The following PLXDC2 variants were observed in gnomAD, a reference collection of about 807,000 sequenced individuals.
PLXDC2 encodes plexin domain-containing protein 2.
In PLXDC2, 40 loss-of-function variants were observed where a neutral mutation model predicts 68.9. The ratio of observed to expected loss-of-function variants is 0.58; its 90% confidence interval spans 0.45 to 0.76. PLXDC2 has a LOEUF of 0.76. Among genes scored for constraint, PLXDC2 ranks in the 30% least tolerant of loss-of-function variants. PLXDC2 has a pLI of 0.00. For missense variants in PLXDC2, 644 were observed against 661.9 expected, an observed-to-expected ratio of 0.97 and a Z score of 0.30; for synonymous variants, 243 against 234.2, an observed-to-expected ratio of 1.04 and a Z score of -0.34.
In PLXDC2 at chr10:19,873,406, CTTTTT is replaced by C. The variant is rs1049862345; in HGVS notation, c.112+56233_112+56237del. On this transcript the variant is annotated intron_variant, in intron 1 of 13. Coordinates refer to ENST00000377252, the MANE Select transcript of PLXDC2 (RefSeq NM_032812.9). Reference sequence around the variant, plus strand: ...TGTTGGGATTAACATTCTTCTTCGTCTTTTTTTTTTTTTTTTTTTTTTGAACTGAG... The same window carrying C: ...TGTTGGGATTAACATTCTTCTTCGTCTTTTTTTTTTTTTTTTTGAACTGAG... Among the ~76,000 whole-genome samples, 206 of 115,670 alleles carry C rather than the reference CTTTTT, an allele frequency of 1.8e-3. 1 individual carries two copies. Among genetic ancestry groups the C allele is most frequent in the African/African-American group, 6.1e-3 (192 of 31,274 alleles). 75.9% of individuals were successfully genotyped at this position (115,670 alleles called of 152,430 possible).
intron 1 of PLXDC2, among the ~76,000 whole-genome samples, chr10:19,951,688 CACTTGT>C (rs1163909439): frequency 1.3e-5 from 2 of 152,300 alleles, no homozygotes; most frequent in African/African-American, 2.4e-5. Flanking sequence ...ACCAAAGAGA[CACTTGT>C]ACTTGTATGT....
intron 1 of PLXDC2, among the ~76,000 whole-genome samples, chr10:19,909,391 A>G (rs1379391883): frequency 1.3e-5 from 2 of 152,202 alleles, no homozygotes; most frequent in Non-Finnish European, 2.9e-5. Flanking sequence ...TCAGCATTGC[A>G]TTATCCAAAT....
chr10:19,821,112 CAA>C (rs2131994061), intron 1 of PLXDC2, among the ~76,000 whole-genome samples: 1 of 152,276 alleles, frequency 6.6e-6, no homozygotes, highest in African/African-American at 2.4e-5. Context: ...AGTAAACAAA[CAA>C]ATAAATAAAT....
In PLXDC2 at chr10:20,283,043, C is replaced by T. The variant is rs1376939216; in HGVS notation, c.*3224C>T. On this transcript the variant is annotated 3_prime_UTR_variant, in exon 14 of 14. Coordinates refer to ENST00000377252, the MANE Select transcript of PLXDC2 (RefSeq NM_032812.9). ...GGCTTGTGGCTACCATATTGGATAACAAGAAACACTTCCGTGGTTGAAGAA... is the reference window on the plus strand; with the variant it reads ...GGCTTGTGGCTACCATATTGGATAATAAGAAACACTTCCGTGGTTGAAGAA... 6.6e-6 allele frequency: 1 copy of T among 152,138 alleles called. No individual in the cohort carries two copies. Among genetic ancestry groups the T allele is most frequent in the African/African-American group, 2.4e-5 (1 of 41,420 alleles). 9.4% of individuals were successfully genotyped at this position (152,138 alleles called of 1,614,324 possible). A position where few individuals can be genotyped will look rare whatever the true frequency, so the allele number is the denominator to read the frequency against.
At chr10:20,015,408 A>C (rs1307576592) in intron 2 of PLXDC2, among the ~76,000 whole-genome samples, 3 of 152,142 alleles carry the variant, frequency 2.0e-5, no homozygotes, top group Non-Finnish European at 4.4e-5. Context: ...ATGTATGTGC[A>C]TACTCAACAT....
chr10:19,845,184 C>G (rs1348058604), intron 1 of PLXDC2, among the ~76,000 whole-genome samples: 2 of 152,122 alleles, frequency 1.3e-5, no homozygotes, highest in Non-Finnish European at 2.9e-5. Context: ...GCCCTTGCAC[C>G]AAGTCTGAAA....
intron 5 of PLXDC2, among the ~76,000 whole-genome samples, chr10:20,145,298 A>G (rs1834062212): frequency 6.6e-6 from 1 of 152,216 alleles, no homozygotes; most frequent in African/African-American, 2.4e-5. Flanking sequence ...GTTTTATTAA[A>G]TGAATGAAAC....
At chr10:19,997,755 A>T (rs1379740297) in intron 1 of PLXDC2, among the ~76,000 whole-genome samples, 1 of 152,196 alleles carries the variant, frequency 6.6e-6, no homozygotes, top group Non-Finnish European at 1.5e-5. Context: ...ATATATGAGG[A>T]TACACATGAA....
At chr10:20,188,094 A>G (rs541800565) in intron 9 of PLXDC2, among the ~76,000 whole-genome samples, 72 of 151,832 alleles carry the variant, frequency 4.7e-4, no homozygotes, top group African/African-American at 1.7e-3. Context: ...CCCAACTCAT[A>G]TAAGTGTAAA....
At chr10:19,880,951 AT>A (rs1007940585) in intron 1 of PLXDC2, among the ~76,000 whole-genome samples, 25 of 152,288 alleles carry the variant, frequency 1.6e-4, no homozygotes, top group African/African-American at 5.5e-4. Context: ...ATCTTTTGAG[AT>A]CCAGAATGTT....
chr10:20,114,101 G>T (rs764137491), intron 4 of PLXDC2, among the ~76,000 whole-genome samples: 5 of 152,216 alleles, frequency 3.3e-5, no homozygotes, highest in Non-Finnish European at 5.9e-5. Flanking sequence ...TACAGCCTGA[G>T]TGACAGAGTG....
At chr10:20,102,903 C>T (rs1833441407) in intron 4 of PLXDC2, among the ~76,000 whole-genome samples, 1 of 152,110 alleles carries the variant, frequency 6.6e-6, no homozygotes, top group African/African-American at 2.4e-5. Flanking sequence ...AGAAGGTATC[C>T]TAGGCCCAGC....
intron 13 of PLXDC2, among the ~76,000 whole-genome samples, chr10:20,267,573 A>T (rs912201925): frequency 2.0e-5 from 3 of 152,140 alleles, no homozygotes; most frequent in African/African-American, 7.2e-5. Flanking sequence ...ACTTTGTTAA[A>T]AGTGCTATTT....
At chr10:20,092,866 A>G (rs1265258174) in intron 4 of PLXDC2, among the ~76,000 whole-genome samples, 1 of 152,028 alleles carries the variant, frequency 6.6e-6, no homozygotes, top group Non-Finnish European at 1.5e-5. Flanking sequence ...ATGTGGCCAC[A>G]AGTCAAGGGA....
At chr10:19,892,645 G>C (rs1403783334) in intron 1 of PLXDC2, among the ~76,000 whole-genome samples, 1 of 152,152 alleles carries the variant, frequency 6.6e-6, no homozygotes, top group Non-Finnish European at 1.5e-5. Flanking sequence ...TCCTATAGTA[G>C]AATTGTATTT....
chr10:19,895,886 C>G (rs1838048430), intron 1 of PLXDC2, among the ~76,000 whole-genome samples: 1 of 152,096 alleles, frequency 6.6e-6, no homozygotes, highest in Non-Finnish European at 1.5e-5. Context: ...TAACATTGCA[C>G]TTCAGCCTGG....
At chr10:20,026,333 G>C (rs529065856) in intron 2 of PLXDC2, among the ~76,000 whole-genome samples, 4 of 152,036 alleles carry the variant, frequency 2.6e-5, no homozygotes, top group Non-Finnish European at 5.9e-5. Context: ...AAAGGCAGCT[G>C]GTTGGCATTT....
intron 1 of PLXDC2, among the ~76,000 whole-genome samples, chr10:19,987,218 C>T (rs1488787022): frequency 6.6e-6 from 1 of 152,192 alleles, no homozygotes; most frequent in Non-Finnish European, 1.5e-5. Flanking sequence ...CATAGAATAA[C>T]CACATGTTCG....
rs776999274 is a variant in PLXDC2 at position 19,833,678 on chromosome 10, T to C, written c.112+16487T>C. Among the ~76,000 whole-genome samples, 3 of 152,196 alleles carry C rather than the reference T, an allele frequency of 2.0e-5. No homozygotes were observed. In the East Asian group the frequency reaches 5.8e-4, roughly 29 times the overall value. ...TTATTAATGTACTTGTTTCTAGGGA[T>C]AAATAAACCACCTTAGGAGATTACA... On this transcript the variant is annotated intron_variant, in intron 1 of 13. Transcript: ENST00000377252.
Sources: allele counts gnomAD v4.1 joint callset (sites outside exome capture counted in the v4.1 genomes callset), GRCh38; gene constraint gnomAD v4.1.1; transcripts MANE v1.5; gene names NCBI Gene and HGNC (gene_info 2026-07-23, HGNC 2026-07-21).